Variants in PTPRD observed in about 807,000 individuals in gnomAD.
PTPRD encodes the protein receptor-type tyrosine-protein phosphatase delta.
PTPRD carries 34 observed loss-of-function variants against 214.5 expected under a neutral mutation model. That is an observed-to-expected ratio of 0.16 (90% confidence interval 0.12 to 0.21). The LOEUF (loss-of-function observed/expected upper bound fraction) is 0.21, where lower values mean the gene tolerates loss of function less well. PTPRD is among the 10% of genes least tolerant of loss of function. PTPRD has a pLI of 1.00. For synonymous variants in PTPRD, 1,128 were observed against 845.7 expected (o/e 1.33, Z -5.79); for missense variants, 2,545 against 2,398.7 (o/e 1.06, Z -1.27).
intron 2 of PTPRD, among the ~76,000 whole-genome samples, chr9:10,540,216 C>G (rs1313127601): frequency 6.6e-6 from 1 of 152,092 alleles, no homozygotes; most frequent in Non-Finnish European, 1.5e-5. Context: ...TTTTGAGAGA[C>G]AGGGTTTCAC....
At chr9:9,087,476 C>G (rs1011286630) in intron 10 of PTPRD, among the ~76,000 whole-genome samples, 1 of 152,034 alleles carries the variant, frequency 6.6e-6, no homozygotes, top group African/African-American at 2.4e-5. Context: ...CATTGTCCTT[C>G]CATAAAGAAA....
At chr9:9,849,616 T>C (rs956025117) in intron 5 of PTPRD, among the ~76,000 whole-genome samples, 2 of 152,080 alleles carry the variant, frequency 1.3e-5, no homozygotes, top group African/African-American at 4.8e-5. Context: ...AGATTTCAAG[T>C]AGAAGCACAT....
chr9:8,681,609 G>T (rs367944112), intron 12 of PTPRD, among the ~76,000 whole-genome samples: 5 of 152,132 alleles, frequency 3.3e-5, no homozygotes, highest in Non-Finnish European at 7.3e-5. Context: ...CTCCAACCAA[G>T]ATCAGGTTAG....
At chr9:9,403,475 G>T in intron 8 of PTPRD, among the ~76,000 whole-genome samples, 1 of 149,612 alleles carries the variant, frequency 6.7e-6, no homozygotes, top group African/African-American at 2.5e-5. Flanking sequence ...GCACTCCTTA[G>T]ATTTTGAAAG....
chr9:9,495,426 T>C (rs1489834599), intron 8 of PTPRD, among the ~76,000 whole-genome samples: 2 of 152,098 alleles, frequency 1.3e-5, no homozygotes, highest in Non-Finnish European at 2.9e-5. Flanking sequence ...ATTGGTTCTT[T>C]CTGAATAATG....
In PTPRD at chr9:8,518,413, T is replaced by C. The variant is rs561764901; in HGVS notation, c.978A>G (p.Pro326=). ...QITVKALPKP[P]GTPVVTESTA... ...TGCTCTCGGTCACTACAGGAGTTCC[T>C]GGAGGTTTGGGTAAGGCTTGGATGG... The change falls in exon 21 of 46, where the codon CCA becomes CCG. Residue 326 remains proline, a synonymous_variant. Coordinates refer to ENST00000381196, the MANE Select transcript of PTPRD (RefSeq NM_002839.4). 27 of 1,605,144 alleles carry C rather than the reference T, an allele frequency of 1.7e-5. No individual in the cohort carries two copies. In the Admixed American group the frequency reaches 4.6e-4, roughly 27 times the overall value.
At chr9:9,854,783 G>T (rs1253845241) in intron 5 of PTPRD, among the ~76,000 whole-genome samples, 1 of 152,006 alleles carries the variant, frequency 6.6e-6, no homozygotes, top group East Asian at 1.9e-4. Flanking sequence ...CAGAATATCT[G>T]ACCTTTTGCT....
At chr9:9,971,634 T>C (rs1294855472) in intron 4 of PTPRD, among the ~76,000 whole-genome samples, 1 of 152,162 alleles carries the variant, frequency 6.6e-6, no homozygotes, top group African/African-American at 2.4e-5. Flanking sequence ...AGTATTTGTA[T>C]AGGAAAAGCA....
At chr9:8,956,399 T>C (rs1048089406) in intron 11 of PTPRD, among the ~76,000 whole-genome samples, 10 of 151,962 alleles carry the variant, frequency 6.6e-5, no homozygotes, top group African/African-American at 2.4e-4. Flanking sequence ...AATTTTACAT[T>C]GTCTTTTTTC....
intron 3 of PTPRD, among the ~76,000 whole-genome samples, chr9:10,216,786 A>T (rs2099543303): frequency 1.3e-5 from 2 of 152,020 alleles, no homozygotes; most frequent in East Asian, 1.9e-4. Flanking sequence ...CAGTGATTTG[A>T]CATGCAAGTG....
chr9:8,712,048 A>G (rs971998873), intron 12 of PTPRD, among the ~76,000 whole-genome samples: 1 of 152,182 alleles, frequency 6.6e-6, no homozygotes, highest in Admixed American at 6.5e-5. Flanking sequence ...ATCTGTCAAG[A>G]CTCATACAAC....
At chr9:9,468,709 T>A (rs2094391343) in intron 8 of PTPRD, among the ~76,000 whole-genome samples, 1 of 152,140 alleles carries the variant, frequency 6.6e-6, no homozygotes, top group Non-Finnish European at 1.5e-5. Context: ...AATGCATATA[T>A]ATAGTTAGAA....
intron 3 of PTPRD, among the ~76,000 whole-genome samples, chr9:10,034,163 G>T (rs1200727314): frequency 1.3e-5 from 2 of 151,970 alleles, no homozygotes; most frequent in Non-Finnish European, 2.9e-5. Context: ...ATATTGCTCT[G>T]ATATAAAAGT....
chr9:9,522,723 T>C (rs543707424), intron 8 of PTPRD, among the ~76,000 whole-genome samples: 1 of 152,246 alleles, frequency 6.6e-6, no homozygotes, highest in South Asian at 2.1e-4. Context: ...GGAGAGTAAA[T>C]TACTTAAAAT....
At chr9:8,323,927 C>A (rs374738404) in intron 44 of PTPRD, among the ~76,000 whole-genome samples, 7 of 152,126 alleles carry the variant, frequency 4.6e-5, no homozygotes, top group South Asian at 2.1e-4. Flanking sequence ...GACTTTGTCA[C>A]TTAGTCACTT....
At chr9:9,998,285 G>C (rs2096215698) in intron 4 of PTPRD, among the ~76,000 whole-genome samples, 1 of 151,326 alleles carries the variant, frequency 6.6e-6, no homozygotes, top group African/African-American at 2.4e-5. Context: ...TGGTCCAGCA[G>C]GATTGATGGG....
intron 4 of PTPRD, among the ~76,000 whole-genome samples, chr9:10,010,144 C>A (rs10809003): frequency 6.6e-6 from 1 of 151,600 alleles, no homozygotes; most frequent in Non-Finnish European, 1.5e-5. Flanking sequence ...GTTGAGAAAA[C>A]AAATTTAGGA....
At chr9:9,206,324 C>A (rs555508241) in intron 9 of PTPRD, among the ~76,000 whole-genome samples, 2 of 152,108 alleles carry the variant, frequency 1.3e-5, no homozygotes, top group African/African-American at 2.4e-5. Context: ...GAGGGTTGTG[C>A]GTAAAGGCAT....
At chr9:9,617,951 G>A (rs2094986487) in intron 7 of PTPRD, among the ~76,000 whole-genome samples, 1 of 150,662 alleles carries the variant, frequency 6.6e-6, no homozygotes, top group Non-Finnish European at 1.5e-5. Context: ...GGGCGCCTGC[G>A]GTCCCTGCTA....
Sources: gnomAD v4.1 joint callset for allele counts (sites outside exome capture counted in the v4.1 genomes callset) on GRCh38, gnomAD v4.1.1 for gene constraint, MANE v1.5 for transcripts, NCBI Gene and HGNC (gene_info 2026-07-23, HGNC 2026-07-21) for gene names.